Variants in CSMD3 observed in about 807,000 individuals in gnomAD.
CSMD3 encodes CUB and sushi domain-containing protein 3.
Under a neutral mutation model 435.2 loss-of-function variants are expected in CSMD3, and 177 were observed. The observed-to-expected ratio is 0.41, with a 90% CI of 0.36 to 0.46. The LOEUF (loss-of-function observed/expected upper bound fraction) is 0.46, where lower values mean the gene tolerates loss of function less well. Among genes scored for constraint, CSMD3 ranks in the 20% least tolerant of loss-of-function variants. The pLI is 0.34. For synonymous variants in CSMD3, 1,656 were observed against 1,520.5 expected (o/e 1.09, Z -2.07); for missense variants, 4,265 against 4,504.6 (o/e 0.95, Z 1.52).
intron 13 of CSMD3, among the ~76,000 whole-genome samples, chr8:112,746,948 T>C (rs1003972697): frequency 6.6e-6 from 1 of 152,092 alleles, no homozygotes; most frequent in African/African-American, 2.4e-5. Flanking sequence ...ATGTAGACAT[T>C]CTACCCAAGA....
At chr8:113,381,431 GA>G (rs2094415057) in intron 1 of CSMD3, among the ~76,000 whole-genome samples, 1 of 151,918 alleles carries the variant, frequency 6.6e-6, no homozygotes, top group Non-Finnish European at 1.5e-5. Flanking sequence ...ATGCAAAATT[GA>G]AAAAAGAAGA....
intron 10 of CSMD3, among the ~76,000 whole-genome samples, chr8:112,905,321 T>TATATATAC (rs5894119): frequency 5.6e-4 from 82 of 145,682 alleles, no homozygotes; most frequent in African/African-American, 2.0e-3. Context: ...TATATATATA[T>TATATATAC]ACACACACAC....
chr8:112,886,976 C>T (rs1374068430), intron 10 of CSMD3, among the ~76,000 whole-genome samples: 1 of 151,256 alleles, frequency 6.6e-6, no homozygotes, highest in Non-Finnish European at 1.5e-5. Context: ...GGAGGGCTGA[C>T]TGTATGGTTT....
chr8:112,480,930 T>A (rs1165742226), intron 31 of CSMD3, among the ~76,000 whole-genome samples: 1 of 152,220 alleles, frequency 6.6e-6, no homozygotes, highest in African/African-American at 2.4e-5. Flanking sequence ...TTTATTCTTC[T>A]ATTTGTTTAA....
intron 1 of CSMD3, among the ~76,000 whole-genome samples, chr8:113,336,323 A>G (rs893161248): frequency 1.3e-5 from 2 of 151,778 alleles, no homozygotes; most frequent in Middle Eastern, 6.8e-3. Flanking sequence ...CTTTCGCTTG[A>G]AAAAAAATGT....
chr8:112,255,887 A>C, intron 61 of CSMD3: 1 of 167,706 alleles, frequency 6.0e-6, no homozygotes, highest in Non-Finnish European at 1.3e-5. Context: ...TATTTGTTTT[A>C]TTGTACCCTG....
In CSMD3 at chr8:112,885,305, A is replaced by C. The variant is rs543853428; in HGVS notation, c.1634-26039T>G. 7.8e-4 allele frequency among the ~76,000 whole-genome samples: 118 copies of C among 151,700 alleles called. 2 individuals are homozygous for C. In the South Asian group the frequency reaches 9.1e-3, roughly 12 times the overall value. ...TGGAGGTGAAACAGAGGAGCCTTCT[A>C]AGAAAGATTGAGCTGCAATAGTCAT... is the stretch of plus-strand genomic sequence containing the variant. On this transcript the variant is annotated intron_variant, in intron 10 of 70. Coordinates refer to ENST00000297405, the MANE Select transcript of CSMD3 (RefSeq NM_198123.2).
intron 28 of CSMD3, among the ~76,000 whole-genome samples, chr8:112,514,691 G>A (rs1186696371): frequency 6.6e-6 from 1 of 151,878 alleles, no homozygotes; most frequent in African/African-American, 2.4e-5. Flanking sequence ...TAAAGATGAC[G>A]TCCTTCTGTT....
rs1347480816 is a variant in CSMD3 at position 112,644,987 on chromosome 8, G to C, written c.3310+122C>G. ...ATTATTTAAATTGAAATGTGTTTTA[G>C]CATATTGTAGTACTGATCTGTTTTT... On this transcript the variant is annotated intron_variant, in intron 20 of 70. Coordinates refer to ENST00000297405, the MANE Select transcript of CSMD3 (RefSeq NM_198123.2). 4.1e-6 allele frequency: 3 copies of C among 736,328 alleles called. No homozygotes were observed. In the East Asian group the frequency reaches 7.4e-5, roughly 18 times the overall value. The allele number at this position is 736,328 out of a possible 1,614,324, so 45.6% of individuals were successfully genotyped here. A position where few individuals can be genotyped will look rare whatever the true frequency, so the allele number is the denominator to read the frequency against.
At chr8:113,046,938 G>C (rs138491956) in intron 5 of CSMD3, among the ~76,000 whole-genome samples, 2 of 152,330 alleles carry the variant, frequency 1.3e-5, no homozygotes, top group Non-Finnish European at 2.9e-5. Flanking sequence ...GTGCCAGGAA[G>C]AGTTTATTCT....
chr8:112,353,022 T>A (rs1826272683), intron 38 of CSMD3, among the ~76,000 whole-genome samples: 1 of 152,218 alleles, frequency 6.6e-6, no homozygotes, highest in Non-Finnish European at 1.5e-5. Context: ...TACATTTTGA[T>A]GTACTTCTTA....
intron 9 of CSMD3, among the ~76,000 whole-genome samples, chr8:112,942,526 G>A (rs1279511837): frequency 1.3e-5 from 2 of 151,732 alleles, no homozygotes; most frequent in South Asian, 4.1e-4. Context: ...GAAATACTAT[G>A]CAGCCATAAA....
At position 112,665,031 on chromosome 8, in the gene CSMD3, C is replaced by T. The variant is rs2075486862; in HGVS notation, c.2816+1246G>A. On this transcript the variant is annotated intron_variant, in intron 17 of 70. Transcript: ENST00000297405. The stretch of plus-strand genomic sequence containing the variant: ...TAAAACCTCCTGTATACTTTGAATT[C>T]CCGCATAAGAAATGGCAACCTAACT... Among the ~76,000 whole-genome samples, 2 of 152,006 alleles carry T rather than the reference C, an allele frequency of 1.3e-5. 1 individual carries two copies. The highest frequency in any genetic ancestry group is 4.1e-4 in the South Asian group (2 of 4,824).
At chr8:112,351,146 G>T (rs138115844) in intron 40 of CSMD3, 29 bp downstream of exon 40, 19 of 1,307,214 alleles carry the variant, frequency 1.5e-5, no homozygotes, top group Non-Finnish European at 2.0e-5. Flanking sequence ...TAAGTTCTAG[G>T]GTAAATACTT....
At chr8:113,263,101 G>C (rs1156592530) in intron 3 of CSMD3, among the ~76,000 whole-genome samples, 1 of 152,018 alleles carries the variant, frequency 6.6e-6, no homozygotes. Context: ...GATAGTGAGT[G>C]AAGACTTGTG....
chr8:112,228,791 T>C lies in CSMD3; in HGVS notation c.10929A>G (p.Ile3643Met). The change falls in exon 70 of 71, where the codon ATA (isoleucine) becomes ATG (methionine). Residue 3643 changes from isoleucine (I) to methionine (M), a missense_variant. By Grantham distance (10) the Ile-to-Met change is conservative. This residue lies in a region of CSMD3 where 3,255 missense variants were observed against 3,380.2 expected (regional missense o/e 0.96). Coordinates refer to ENST00000297405, the MANE Select transcript of CSMD3 (RefSeq NM_198123.2). The stretch of plus-strand genomic sequence containing the variant: ...AAAGATAAAATCCAAATCCTGCAAA[T>C]ATAAGTGCAAAAAAAGGCACAAGAA... ...IAILVPFFAL[I>M]FAGFGFYLYK... 6.3e-7 allele frequency: 1 copy of C among 1,589,622 alleles called. No homozygotes were observed. The highest frequency in any genetic ancestry group is 1.1e-5 in the South Asian group (1 of 90,550).
intron 34 of CSMD3, among the ~76,000 whole-genome samples, chr8:112,407,511 A>T (rs1433041780): frequency 6.6e-6 from 1 of 152,012 alleles, no homozygotes; most frequent in Admixed American, 6.6e-5. Flanking sequence ...TTCTTATGCG[A>T]CTTGAGTAAA....
chr8:112,262,051 G>C (rs1171658212), intron 61 of CSMD3, among the ~76,000 whole-genome samples: 1 of 151,706 alleles, frequency 6.6e-6, no homozygotes, highest in Admixed American at 6.6e-5. Context: ...TTTTTCATTT[G>C]TGGGTTATAC....
chr8:112,709,677 A>G (rs1195582115), intron 13 of CSMD3, among the ~76,000 whole-genome samples: 2 of 152,116 alleles, frequency 1.3e-5, no homozygotes, highest in Non-Finnish European at 2.9e-5. Flanking sequence ...TTCCTGTTCT[A>G]GTATCTATTA....
Sources: allele counts gnomAD v4.1 joint callset (sites outside exome capture counted in the v4.1 genomes callset), GRCh38; gene constraint gnomAD v4.1.1; regional missense constraint gnomAD v4.1.1; transcripts MANE v1.5; gene names NCBI Gene and HGNC (gene_info 2026-07-23, HGNC 2026-07-21).